SPTAN1: variants seen among roughly 807,000 people sequenced by gnomAD.
SPTAN1 encodes spectrin alpha chain, non-erythrocytic 1.
Under a neutral mutation model 331.3 loss-of-function variants are expected in SPTAN1, and 61 were observed. The observed-to-expected ratio is 0.18, with a 90% CI of 0.15 to 0.23. The LOEUF (loss-of-function observed/expected upper bound fraction) is 0.23. SPTAN1 is among the 10% of genes least tolerant of loss of function. The pLI is 1.00. For missense variants in SPTAN1, 2,043 were observed against 3,147.9 expected (o/e 0.65, Z 8.40); for synonymous variants, 1,153 against 1,173.9 (o/e 0.98, Z 0.36).
chr9:128,603,404 T>G (rs1855426172), intron 27 of SPTAN1, 139 bp from the exon 28 acceptor site: 2 of 882,794 alleles, frequency 2.3e-6, no homozygotes, highest in Admixed American at 3.4e-5. Flanking sequence ...TGTACTGATG[T>G]CTCTGTTAAG....
At chr9:128,593,635 C>A (rs1226790172) in intron 23 of SPTAN1, 2 of 193,264 alleles carry the variant, frequency 1.0e-5, no homozygotes, top group African/African-American at 4.7e-5. Context: ...TCCTTCTGAA[C>A]TTGCCAAAAC....
chr9:128,625,025 G>A lies in SPTAN1; in HGVS notation c.5993-78G>A. 1 of 1,398,924 alleles carries A rather than the reference G, an allele frequency of 7.1e-7. No homozygotes were observed. Among genetic ancestry groups the A allele is most frequent in the Non-Finnish European group, 1.0e-6 (1 of 985,240 alleles). 86.7% of individuals were successfully genotyped at this position (1,398,924 alleles called of 1,614,324 possible). A position where few individuals can be genotyped will look rare whatever the true frequency, so the allele number is the denominator to read the frequency against. ...TTTATCTGTACACAAAAAATGGTTT[G>A]TCTGGGTTTTGATGTTTTTCCTTTC... On this transcript the variant is annotated intron_variant, in intron 46 of 56. Transcript: ENST00000372739. This position sits in a 1 kb window ranked among gnomAD's most constrained non-coding sequence, Gnocchi z 4.1.
chr9:128,598,092 G>T (rs541564632), intron 24 of SPTAN1, among the ~76,000 whole-genome samples: 1 of 152,218 alleles, frequency 6.6e-6, no homozygotes, highest in African/African-American at 2.4e-5. Context: ...GGGATTACAG[G>T]CATGGACCCC....
At chr9:128,630,851 CCCA>C (rs1424861278) in intron 52 of SPTAN1, among the ~76,000 whole-genome samples, 3 of 152,048 alleles carry the variant, frequency 2.0e-5, no homozygotes, top group African/African-American at 7.2e-5. Flanking sequence ...ATTACAGGCG[CCCA>C]CCACCACACC....
chr9:128,579,243 C>G (rs931430292), intron 9 of SPTAN1, among the ~76,000 whole-genome samples: 1 of 151,870 alleles, frequency 6.6e-6, no homozygotes, highest in Non-Finnish European at 1.5e-5. Flanking sequence ...GAAAAAAATT[C>G]AAAAAAAGCT....
At chr9:128,632,750 T>C in intron 55 of SPTAN1, 32 bp downstream of exon 55, 1 of 1,614,014 alleles carries the variant, frequency 6.2e-7, no homozygotes. Flanking sequence ...GCTGTGAGCC[T>C]CTGCCCGGGG....
At chr9:128,569,566 C>T (rs556344772) in intron 3 of SPTAN1, among the ~76,000 whole-genome samples, 201 of 151,418 alleles carry the variant, frequency 1.3e-3, no homozygotes, top group African/African-American at 4.6e-3. Flanking sequence ...GAGGTGTGCA[C>T]GTTGAGTTTC....
chr9:128,592,867 T>C (rs1853715166), intron 22 of SPTAN1, 116 bp from the exon 23 acceptor site: 4 of 946,054 alleles, frequency 4.2e-6, no homozygotes, highest in African/African-American at 1.6e-5. Flanking sequence ...AATAACTCCA[T>C]AGTTTCCCAA....
In SPTAN1 at chr9:128,562,666, CTT is replaced by C. The variant is rs914073735; in HGVS notation, c.-3-4071_-3-4070del. Among the ~76,000 whole-genome samples the C allele has an allele frequency of 1.9e-4, 28 of 150,870 alleles. No individual in the cohort carries two copies. The East Asian group carries it at 4.9e-3, about 26-fold the overall frequency. ...GCCTTCTCCAAAATAGGCTGACAGA[CTT>C]AGGGCAGCAGTGTAAACTATGACTG... On this transcript the variant is annotated intron_variant, in intron 1 of 56. Coordinates refer to ENST00000372739, the MANE Select transcript of SPTAN1 (RefSeq NM_001130438.3).
Position 128,607,954 on chromosome 9 carries a change from A to G in SPTAN1, c.4249A>G (p.Lys1417Glu), listed in dbSNP as rs2131617226. The G allele has an allele frequency of 6.2e-7, 1 of 1,614,106 alleles. No homozygotes were observed. The highest frequency in any genetic ancestry group is 1.7e-4 in the Middle Eastern group (1 of 6,052). Residue 1417 changes from lysine (K) to glutamate (E), a missense_variant, in exon 33 of 57, where the codon AAG (lysine) becomes GAG (glutamate). This residue lies in a region of SPTAN1 where 179 missense variants were observed against 215.7 expected (regional missense o/e 0.83). Coordinates refer to ENST00000372739, the MANE Select transcript of SPTAN1 (RefSeq NM_001130438.3). ...AHGHYASPEI[K>E]QKLDILDQER... ...CGGACACTATGCCAGCCCTGAGATCAAGCAGAAACTTGATATTCTTGACCA... is the reference window on the plus strand; with the variant it reads ...CGGACACTATGCCAGCCCTGAGATCGAGCAGAAACTTGATATTCTTGACCA...
In SPTAN1 at chr9:128,625,788, T is replaced by C; in HGVS notation, c.6089T>C (p.Leu2030Pro). Reference sequence around the variant, plus strand: ...GTTCAGGAAACTTTTGACGCTGGGCTGCAGGCCTTCCAGCAGGAAGGCATT... The same window carrying C: ...GTTCAGGAAACTTTTGACGCTGGGCCGCAGGCCTTCCAGCAGGAAGGCATT... ...LTKQETFDAG[L>P]QAFQQEGIAN... Residue 2030 changes from leucine to proline, a missense_variant, in exon 48 of 57, where the codon CTG becomes CCG. By Grantham distance (98) the Leu-to-Pro change is moderately conservative (BLOSUM62 -3). This residue lies in a region of SPTAN1 where 256 missense variants were observed against 376.4 expected (regional missense o/e 0.68). Coordinates refer to ENST00000372739, the MANE Select transcript of SPTAN1 (RefSeq NM_001130438.3). The surrounding 1 kb of genome is among the most constrained non-coding windows in gnomAD (Gnocchi z 4.1). 6.2e-7 allele frequency: 1 copy of C among 1,614,148 alleles called. No individual in the cohort carries two copies. The highest frequency in any genetic ancestry group is 8.5e-7 in the Non-Finnish European group (1 of 1,180,030).
chr9:128,622,316 T>G (rs977309908), intron 45 of SPTAN1, among the ~76,000 whole-genome samples: 1 of 149,458 alleles, frequency 6.7e-6, no homozygotes, highest in African/African-American at 2.5e-5. Context: ...TTTTTTTTTT[T>G]GCGACGGAGT....
intron 1 of SPTAN1, among the ~76,000 whole-genome samples, chr9:128,562,823 G>T (rs1004537857): frequency 3.3e-5 from 5 of 151,714 alleles, no homozygotes; most frequent in African/African-American, 1.2e-4. Context: ...ATATTAGCCG[G>T]GCGTGATGGC....
intron 1 of SPTAN1, among the ~76,000 whole-genome samples, chr9:128,561,676 A>AAAAAAAAAAAAC (rs1849380917): frequency 7.0e-6 from 1 of 143,492 alleles, no homozygotes; most frequent in Non-Finnish European, 1.5e-5. Flanking sequence ...AAAAAAAAAA[A>AAAAAAAAAAAAC]AAAAAAAAAA....
intron 34 of SPTAN1, among the ~76,000 whole-genome samples, chr9:128,608,564 C>T (rs992086881): frequency 1.5e-4 from 23 of 152,108 alleles, no homozygotes; most frequent in African/African-American, 5.1e-4. Context: ...TTGATTTATA[C>T]GTCACTTTGC....
chr9:128,628,221 C>G, intron 51 of SPTAN1: 1 of 608,602 alleles, frequency 1.6e-6, no homozygotes, highest in Non-Finnish European at 3.1e-6. Context: ...TGATGAAGCA[C>G]GAAGGCCAGA....
chr9:128,576,982 G>A, intron 6 of SPTAN1, 26 bp downstream of exon 6: 1 of 1,614,066 alleles, frequency 6.2e-7, no homozygotes, highest in Non-Finnish European at 8.5e-7. Flanking sequence ...GGGCTTTGGG[G>A]AATGGGTCTC....
At chr9:128,555,503 G>A (rs921715969) in intron 1 of SPTAN1, 9 of 910,494 alleles carry the variant, frequency 9.9e-6, no homozygotes, top group Non-Finnish European at 1.3e-5. Flanking sequence ...AAGAAAGGGG[G>A]AAAAAAACCC....
Position 128,633,267 on chromosome 9 carries a change from G to A in SPTAN1, c.7367G>A (p.Gly2456Asp). ...TCCCACATGAAGCCCTACGTGGACG[G>A]CAAGGGCCGCGAGCTCCCCACCGCG... ...CVSHMKPYVD[G>D]KGRELPTAFD... Residue 2456 changes from glycine (G) to aspartate (D), a missense_variant, in exon 57 of 57, where the codon GGC becomes GAC. By Grantham distance (94) the Gly-to-Asp change is moderately conservative. This residue lies in a region of SPTAN1 where 88 missense variants were observed against 96.5 expected (regional missense o/e 0.91). Coordinates refer to ENST00000372739, the MANE Select transcript of SPTAN1 (RefSeq NM_001130438.3). 6.2e-7 allele frequency: 1 copy of A among 1,614,016 alleles called. No homozygotes were observed.
Sources: gnomAD v4.1 joint callset for allele counts (sites outside exome capture counted in the v4.1 genomes callset) on GRCh38, gnomAD v4.1.1 for gene constraint, gnomAD v4.1.1 regional missense constraint, Gnocchi (gnomAD v3.1) non-coding constraint, MANE v1.5 for transcripts, NCBI Gene and HGNC (gene_info 2026-07-23, HGNC 2026-07-21) for gene names.